Variants in AUTS2 observed in about 807,000 individuals in gnomAD.
AUTS2 encodes the protein activator of transcription and developmental regulator AUTS2.
A neutral mutation model predicts 112.4 loss-of-function variants in AUTS2; 17 were observed. That is an observed-to-expected ratio of 0.15 (90% CI 0.10 to 0.23). AUTS2 has a LOEUF of 0.23. Ranked by LOEUF, AUTS2 falls within the 10% of genes least tolerant of loss-of-function variation. AUTS2 has a pLI of 1.00. For missense variants in AUTS2, 1,510 were observed against 1,701.6 expected (o/e 0.89, Z 1.98); for synonymous variants, 751 against 702.7 (o/e 1.07, Z -1.09).
intron 5 of AUTS2, among the ~76,000 whole-genome samples, chr7:70,496,635 A>ACG (rs1342060516): frequency 1.4e-5 from 2 of 138,586 alleles, no homozygotes; most frequent in Non-Finnish European, 3.1e-5. Flanking sequence ...AGGCACACAC[A>ACG]CACACCCCAC....
At chr7:70,580,079 C>T (rs573903206) in intron 5 of AUTS2, among the ~76,000 whole-genome samples, 53 of 152,192 alleles carry the variant, frequency 3.5e-4, no homozygotes, top group African/African-American at 1.2e-3. Flanking sequence ...ACAGTGCCTT[C>T]GAACGTAACC....
chr7:70,004,510 T>C, intron 2 of AUTS2, among the ~76,000 whole-genome samples: 1 of 148,326 alleles, frequency 6.7e-6, no homozygotes, highest in Non-Finnish European at 1.5e-5. Context: ...GCTAATAAAC[T>C]AGAAGGAACT....
intron 1 of AUTS2, among the ~76,000 whole-genome samples, chr7:69,666,624 C>G (rs147946765): frequency 6.6e-6 from 1 of 152,106 alleles, no homozygotes; most frequent in African/African-American, 2.4e-5. Context: ...CCTGTAAAGT[C>G]TAATGGGTGG....
At chr7:70,315,780 T>C (rs994785550) in intron 4 of AUTS2, among the ~76,000 whole-genome samples, 2 of 152,194 alleles carry the variant, frequency 1.3e-5, no homozygotes, top group Non-Finnish European at 2.9e-5. Context: ...CCTGGATTCT[T>C]GAGTCTAGAC....
chr7:70,228,538 A>G (rs1443828400), intron 4 of AUTS2, among the ~76,000 whole-genome samples: 2 of 151,302 alleles, frequency 1.3e-5, no homozygotes, highest in Non-Finnish European at 3.0e-5. Context: ...TTAGTGTATC[A>G]TTTTTATTAC....
intron 5 of AUTS2, among the ~76,000 whole-genome samples, chr7:70,470,538 C>T (rs554577992): frequency 1.3e-4 from 20 of 152,164 alleles, no homozygotes; most frequent in Admixed American, 1.2e-3. Flanking sequence ...CTAGAGTCAA[C>T]GCTATCTAAA....
At chr7:70,789,541 C>A (rs1435691986) in intron 18 of AUTS2, among the ~76,000 whole-genome samples, 1 of 152,038 alleles carries the variant, frequency 6.6e-6, no homozygotes, top group East Asian at 1.9e-4. Context: ...TGGTCCATCT[C>A]CCCCATTAAG....
In AUTS2 at chr7:70,716,114, G is replaced by A. The variant is rs564465506; in HGVS notation, c.742+17494G>A. Among the ~76,000 whole-genome samples, 4 of 152,336 alleles carry A rather than the reference G, an allele frequency of 2.6e-5. No homozygotes were observed. The South Asian group carries it at 6.2e-4, about 24-fold the overall frequency. ...TCCCAACTGGGTACTTTTCAGGAAA[G>A]GAGTGGGAGGCTGCCCACGTATATT... On this transcript the variant is annotated intron_variant, in intron 6 of 18. Transcript: ENST00000342771.
In AUTS2 at chr7:70,051,232, T is replaced by A. The variant is rs546435175; in HGVS notation, c.523-66900T>A. 1.6e-3 allele frequency among the ~76,000 whole-genome samples: 239 copies of A among 152,282 alleles called. 1 individual carries two copies. The highest frequency in any genetic ancestry group is 4.9e-3 in the African/African-American group (202 of 41,546). ...AAAGGTGCCAGCGTTTGATATTATC[T>A]TAAGGCCTAAACTGACCTTACGGTG... is the stretch of plus-strand genomic sequence containing the variant. On this transcript the variant is annotated intron_variant, in intron 2 of 18. Transcript: ENST00000342771.
intron 4 of AUTS2, among the ~76,000 whole-genome samples, chr7:70,410,398 T>TTTATTTATTTA (rs1554394749): frequency 2.8e-5 from 4 of 140,766 alleles, no homozygotes; most frequent in Non-Finnish European, 6.2e-5. Flanking sequence ...AGGGTTTGTC[T>TTTATTTATTTA]TTTATTTATT....
intron 7 of AUTS2, among the ~76,000 whole-genome samples, chr7:70,763,544 T>C (rs914926516): frequency 4.6e-5 from 7 of 151,832 alleles, no homozygotes; most frequent in Admixed American, 3.3e-4. Flanking sequence ...GGGTGGGTGG[T>C]GAGGACATTG....
At chr7:69,646,267 A>G (rs1437440240) in intron 1 of AUTS2, among the ~76,000 whole-genome samples, 1 of 152,090 alleles carries the variant, frequency 6.6e-6, no homozygotes, top group African/African-American at 2.4e-5. Context: ...TTATACAAGG[A>G]TTTTAGTCAC....
At chr7:69,888,013 A>G (rs770027041) in intron 1 of AUTS2, among the ~76,000 whole-genome samples, 47 of 152,090 alleles carry the variant, frequency 3.1e-4, no homozygotes, top group Non-Finnish European at 3.2e-4. Context: ...TTGTGTTGCT[A>G]CAAAGGAATA....
In AUTS2 at chr7:69,728,362, T is replaced by C. The variant is rs563676340; in HGVS notation, c.309+128400T>C. 3.3e-5 allele frequency among the ~76,000 whole-genome samples: 5 copies of C among 152,356 alleles called. No homozygotes were observed. In the South Asian group the frequency reaches 1.0e-3, roughly 32 times the overall value. On this transcript the variant is annotated intron_variant, in intron 1 of 18. Transcript: ENST00000342771. ...TCTAGGGAATACTCTTAGTAGAGCG[T>C]GTAAATGTACTATTTTAAAGAATAG...
intron 5 of AUTS2, among the ~76,000 whole-genome samples, chr7:70,641,059 G>T (rs1368652071): frequency 6.6e-6 from 1 of 152,070 alleles, no homozygotes; most frequent in African/African-American, 2.4e-5. Flanking sequence ...CCAGCTTCCA[G>T]CCACACTAGT....
chr7:70,429,658 G>A (rs1795571869), intron 4 of AUTS2, among the ~76,000 whole-genome samples: 1 of 152,188 alleles, frequency 6.6e-6, no homozygotes, highest in African/African-American at 2.4e-5. Flanking sequence ...GGAGTCAAGA[G>A]TAAGCATTGG....
intron 4 of AUTS2, among the ~76,000 whole-genome samples, chr7:70,335,635 G>A (rs1358549580): frequency 6.6e-6 from 1 of 152,204 alleles, no homozygotes; most frequent in Non-Finnish European, 1.5e-5. Flanking sequence ...CCAGCTGTTG[G>A]TGGCAGGAGG....
At chr7:69,911,834 A>G (rs2129541887) in intron 2 of AUTS2, among the ~76,000 whole-genome samples, 1 of 152,022 alleles carries the variant, frequency 6.6e-6, no homozygotes, top group African/African-American at 2.4e-5. Flanking sequence ...TGAAGTCTTC[A>G]CTCTGGGCGG....
chr7:69,987,194 A>G (rs1279621369), intron 2 of AUTS2, among the ~76,000 whole-genome samples: 1 of 152,230 alleles, frequency 6.6e-6, no homozygotes, highest in Non-Finnish European at 1.5e-5. Context: ...AATTCACTTG[A>G]CAATCGTAGG....
Sources: gnomAD v4.1 joint callset for allele counts (sites outside exome capture counted in the v4.1 genomes callset) on GRCh38, gnomAD v4.1.1 for gene constraint, MANE v1.5 for transcripts, NCBI Gene and HGNC (gene_info 2026-07-23, HGNC 2026-07-21) for gene names.